GYS2: variants seen among roughly 807,000 people sequenced by gnomAD.
GYS2 encodes glycogen synthase 2.
Under a neutral mutation model 85.6 loss-of-function variants are expected in GYS2, and 80 were observed. The ratio of observed to expected loss-of-function variants is 0.93; its 90% CI spans 0.78 to 1.13. The LOEUF (loss-of-function observed/expected upper bound fraction) is 1.13. Ranked by LOEUF, GYS2 falls within the 50% of genes most tolerant of loss-of-function variation. GYS2 has a pLI of 0.00. For missense variants in GYS2, 881 were observed against 854.9 expected (o/e 1.03, Z -0.38); for synonymous variants, 328 against 300.7 (o/e 1.09, Z -0.94).
chr12:21,564,792 T>G (rs1944298358), intron 5 of GYS2, among the ~76,000 whole-genome samples: 1 of 152,198 alleles, frequency 6.6e-6, no homozygotes, highest in African/African-American at 2.4e-5. Flanking sequence ...TAATAATTTT[T>G]AAAAATCCCT....
intron 11 of GYS2, among the ~76,000 whole-genome samples, chr12:21,554,403 C>T (rs1410949147): frequency 6.6e-6 from 1 of 152,156 alleles, no homozygotes; most frequent in Non-Finnish European, 1.5e-5. Flanking sequence ...TACTTGCTTT[C>T]GACCCCTTCA....
At chr12:21,540,676 A>G (rs1943962544) in intron 13 of GYS2, 103 bp from the exon 14 acceptor site, 5 of 969,088 alleles carry the variant, frequency 5.2e-6, no homozygotes, top group Non-Finnish European at 8.2e-6. Context: ...AAACCTATGC[A>G]TTATCTACCC....
intron 1 of GYS2, among the ~76,000 whole-genome samples, chr12:21,585,560 GAAAA>G (rs36121025): frequency 8.6e-6 from 1 of 115,784 alleles, no homozygotes. Flanking sequence ...ACTCCACCAG[GAAAA>G]AAAAAAAAAA....
Position 21,604,626 on chromosome 12 carries a change from C to T in GYS2, c.-34G>A. The stretch of plus-strand genomic sequence containing the variant: ...CAGTCCTCCGAGACTCCTTTGAATT[C>T]CTGTTTCAATTAGTTGTAATCCCAG... On this transcript the variant is annotated 5_prime_UTR_variant, in exon 1 of 16. Transcript: ENST00000261195. 2 of 1,611,056 alleles carry T rather than the reference C, an allele frequency of 1.2e-6. No individual in the cohort carries two copies. Among genetic ancestry groups the T allele is most frequent in the Non-Finnish European group, 1.7e-6 (2 of 1,177,952 alleles).
intron 14 of GYS2, among the ~76,000 whole-genome samples, chr12:21,539,724 A>G (rs1943950385): frequency 6.6e-6 from 1 of 152,188 alleles, no homozygotes; most frequent in Non-Finnish European, 1.5e-5. Context: ...AAGAAACATC[A>G]CTTCTAAAAG....
intron 11 of GYS2, among the ~76,000 whole-genome samples, chr12:21,551,013 A>AAAATT (rs1555154968): frequency 6.6e-6 from 1 of 151,446 alleles, no homozygotes; most frequent in Admixed American, 6.6e-5. Flanking sequence ...TTTTTTTTTA[A>AAAATT]TTTTTTTTTA....
In GYS2 at chr12:21,597,043, A is replaced by G. The variant is rs1378640233; in HGVS notation, c.121+7429T>C. Among the ~76,000 whole-genome samples, 6 of 152,052 alleles carry G rather than the reference A, an allele frequency of 3.9e-5. No individual in the cohort carries two copies. The East Asian group carries it at 1.2e-3, about 29-fold the overall frequency. ...TAATACAACCCCTATTTATTGCCATATAAAACGTACTCTCAAGATGGATTA... is the reference window on the plus strand; with the variant it reads ...TAATACAACCCCTATTTATTGCCATGTAAAACGTACTCTCAAGATGGATTA... On this transcript the variant is annotated intron_variant, in intron 1 of 15. Coordinates refer to ENST00000261195, the MANE Select transcript of GYS2 (RefSeq NM_021957.4).
chr12:21,561,916 G>A (rs1944257825), intron 7 of GYS2, among the ~76,000 whole-genome samples: 1 of 152,030 alleles, frequency 6.6e-6, no homozygotes, highest in Non-Finnish European at 1.5e-5. Flanking sequence ...TTAACTGGAG[G>A]GTAGTACAGA....
chr12:21,588,809 C>T (rs745519643), intron 1 of GYS2, among the ~76,000 whole-genome samples: 9 of 152,186 alleles, frequency 5.9e-5, no homozygotes, highest in Non-Finnish European at 1.2e-4. Flanking sequence ...TCCTCAAATT[C>T]TGGACAATTT....
At chr12:21,562,159 A>T (rs900995381) in intron 7 of GYS2, among the ~76,000 whole-genome samples, 7 of 152,080 alleles carry the variant, frequency 4.6e-5, no homozygotes, top group Non-Finnish European at 8.8e-5. Context: ...CACCTTCCTG[A>T]GTAAAAAAAA....
chr12:21,558,976 T>G, intron 10 of GYS2, 115 bp downstream of exon 10: 1 of 643,486 alleles, frequency 1.6e-6, no homozygotes, highest in South Asian at 2.0e-5. Flanking sequence ...TAAGAATGTC[T>G]TTTCTAGCCT....
At chr12:21,539,459 A>T (rs1034570690) in intron 14 of GYS2, 121 bp from the exon 15 acceptor site, 1 of 729,742 alleles carries the variant, frequency 1.4e-6, no homozygotes, top group Non-Finnish European at 2.5e-6. Context: ...AAGTGACAGA[A>T]TCTATGCAGT....
intron 12 of GYS2, among the ~76,000 whole-genome samples, chr12:21,543,294 A>G (rs972095382): frequency 1.3e-5 from 2 of 152,212 alleles, no homozygotes; most frequent in African/African-American, 4.8e-5. Flanking sequence ...ATGAAGTAAT[A>G]CAATCTAGAC....
intron 1 of GYS2, among the ~76,000 whole-genome samples, chr12:21,598,310 C>T (rs1045406110): frequency 1.3e-5 from 2 of 151,972 alleles, no homozygotes; most frequent in African/African-American, 2.4e-5. Flanking sequence ...GTCACATGTA[C>T]CTGATACATA....
rs756995220 is a variant in GYS2 at position 21,537,214 on chromosome 12, T to C, written c.1891-39A>G. 13 of 1,428,248 alleles carry C rather than the reference T, an allele frequency of 9.1e-6. No homozygotes were observed. The Admixed American group carries it at 1.0e-4, about 11-fold the overall frequency. The allele number at this position is 1,428,248 out of a possible 1,614,324, so 88.5% of individuals were successfully genotyped here. On this transcript the variant is annotated intron_variant, in intron 15 of 15. Transcript: ENST00000261195. Reference sequence around the variant, plus strand: ...AAATAAGACATAAACATCACAACAGTTTCTTGGCTTTCAACGATGTAAATA... The same window carrying C: ...AAATAAGACATAAACATCACAACAGCTTCTTGGCTTTCAACGATGTAAATA...
chr12:21,533,124 G>C (rs548286504), downstream of GYS2, among the ~76,000 whole-genome samples: 309 of 152,248 alleles, frequency 2.0e-3, no homozygotes, highest in Admixed American at 5.5e-3. Flanking sequence ...AGAATACCTT[G>C]ATCTGCAGGG....
At chr12:21,550,238 A>G (rs1944089888) in intron 11 of GYS2, among the ~76,000 whole-genome samples, 1 of 152,026 alleles carries the variant, frequency 6.6e-6, no homozygotes, top group African/African-American at 2.4e-5. Flanking sequence ...GCATTTAGCA[A>G]TCAAGACGTG....
intron 1 of GYS2, among the ~76,000 whole-genome samples, chr12:21,601,808 A>G (rs1275616582): frequency 6.6e-6 from 1 of 152,148 alleles, no homozygotes; most frequent in East Asian, 1.9e-4. Context: ...CTCGCCTCTC[A>G]GTGCCTGATA....
downstream of GYS2, among the ~76,000 whole-genome samples, chr12:21,533,520 T>A (rs2136826227): frequency 6.6e-6 from 1 of 152,336 alleles, no homozygotes; most frequent in East Asian, 1.9e-4. Flanking sequence ...TAATTTGATT[T>A]GATCCTCACA....
Sources: gnomAD v4.1 joint callset for allele counts (sites outside exome capture counted in the v4.1 genomes callset) on GRCh38, gnomAD v4.1.1 for gene constraint, MANE v1.5 for transcripts, NCBI Gene and HGNC (gene_info 2026-07-23, HGNC 2026-07-21) for gene names.